The following WRAP73 variants were observed in gnomAD, a reference collection of about 807,000 sequenced individuals.
WRAP73 encodes the protein WD repeat containing, antisense to TP73.
Under a neutral mutation model 59.6 loss-of-function variants are expected in WRAP73, and 55 were observed. The observed-to-expected ratio is 0.92, with a 90% confidence interval of 0.74 to 1.15. The LOEUF is 1.15. WRAP73 is among the 50% of genes most tolerant of loss of function. WRAP73 has a pLI of 0.00. For missense variants in WRAP73, 592 were observed against 608.1 expected (o/e 0.97, Z 0.28); for synonymous variants, 265 against 258.2 (o/e 1.03, Z -0.25).
intron 1 of WRAP73, among the ~76,000 whole-genome samples, chr1:3,649,226 G>A (rs1259582215): frequency 1.3e-5 from 2 of 152,166 alleles, no homozygotes; most frequent in African/African-American, 4.8e-5. Flanking sequence ...TAAAGTTATA[G>A]CTCTGTGATT....
At chr1:3,633,725 G>C in intron 8 of WRAP73, 1 of 518,674 alleles carries the variant, frequency 1.9e-6, no homozygotes, top group South Asian at 2.7e-5. Flanking sequence ...CACCCTTTGA[G>C]ACACAGGCAG....
chr1:3,647,698 T>A (rs530536278), intron 1 of WRAP73, 138 bp from the exon 2 acceptor site: 520 of 881,554 alleles, frequency 5.9e-4, no homozygotes, highest in Non-Finnish European at 5.6e-4. Flanking sequence ...ACCAGTGACA[T>A]CCCCAGCCCC....
In WRAP73 at chr1:3,638,798, A is replaced by C. The variant is rs753087124; in HGVS notation, c.364T>G (p.Cys122Gly). Residue 122 changes from cysteine (C) to glycine (G), a missense_variant, in exon 4 of 12, where the codon TGC (cysteine) becomes GGC (glycine). Physicochemically the swap from Cys to Gly is radical, Grantham distance 159. Transcript: ENST00000270708. ...TTGATGTAAGACACGGATTTTGTGC[A>C]CAAGGACCAGACGGTTATCCGCAGC... ...FHLRITVWSL[C>G]TKSVSYIKYP... is the part of the protein sequence containing the mutation. The C allele has an allele frequency of 6.2e-7, 1 of 1,614,190 alleles. No homozygotes were observed. Among genetic ancestry groups the C allele is most frequent in the Admixed American group, 1.7e-5 (1 of 60,016 alleles).
At chr1:3,632,757 G>T in intron 9 of WRAP73, 1 of 276,466 alleles carries the variant, frequency 3.6e-6, no homozygotes, top group Non-Finnish European at 7.0e-6. Context: ...CATCATCACA[G>T]CAGAAGCAGG....
intron 3 of WRAP73, among the ~76,000 whole-genome samples, chr1:3,641,202 G>A (rs1644640942): frequency 6.6e-6 from 1 of 152,216 alleles, no homozygotes; most frequent in Admixed American, 6.5e-5. Context: ...AGAGCACTCA[G>A]GAGGGAAGGA....
chr1:3,637,179 G>A, intron 4 of WRAP73, 81 bp from the exon 5 acceptor site: 1 of 1,226,812 alleles, frequency 8.2e-7, no homozygotes, highest in Non-Finnish European at 1.2e-6. Context: ...TCACAAGGAA[G>A]GAGGAGGAAA....
Position 3,632,205 on chromosome 1 carries a change from C to T in WRAP73, c.1048+8G>A. ...GGGTGAGACAGCACCTGCGTCAGCA[C>T]AACTGACCGTTCCTTGTCGCCAGGA... On this transcript the variant is annotated splice_region_variant and intron_variant, in intron 10 of 11. Transcript: ENST00000270708. 1 of 1,611,138 alleles carries T rather than the reference C, an allele frequency of 6.2e-7. No individual in the cohort carries two copies. The highest frequency in any genetic ancestry group is 1.3e-5 in the African/African-American group (1 of 75,062).
At chr1:3,633,658 G>C in intron 8 of WRAP73, 155 bp from the exon 9 acceptor site, 1 of 614,116 alleles carries the variant, frequency 1.6e-6, no homozygotes, top group Non-Finnish European at 2.9e-6. Flanking sequence ...CACGAACCCC[G>C]CAGTCCCGAG....
At chr1:3,645,924 A>G (rs970337517) in intron 3 of WRAP73, among the ~76,000 whole-genome samples, 23 of 152,244 alleles carry the variant, frequency 1.5e-4, no homozygotes, top group African/African-American at 5.5e-4. Context: ...GAGCCGGCTC[A>G]TATCACAGCG....
chr1:3,647,667 CAG>C, intron 1 of WRAP73, 107 bp from the exon 2 acceptor site: 2 of 1,273,182 alleles, frequency 1.6e-6, no homozygotes, highest in Non-Finnish European at 2.2e-6. Context: ...TCTCTCCTGC[CAG>C]AGGTTTCATG....
chr1:3,636,490 G>T, intron 5 of WRAP73: 1 of 324,374 alleles, frequency 3.1e-6, no homozygotes, highest in Non-Finnish European at 6.0e-6. Context: ...TTTAGACCCA[G>T]CTCAGACAAG....
chr1:3,635,037 G>A lies in WRAP73; in HGVS notation c.776C>T (p.Thr259Met), dbSNP rs542182404. Residue 259 changes from threonine to methionine, a missense_variant, in exon 8 of 12, where the codon ACG (threonine) becomes ATG (methionine). By Grantham distance (81) the Thr-to-Met change is moderately conservative. Coordinates refer to ENST00000270708, the MANE Select transcript of WRAP73 (RefSeq NM_017818.4). ...AATGGCTGCAGGATGCCCAAACTCC[G>A]TGATCATTTTCCAAGTCACGTGATT... is the stretch of plus-strand genomic sequence containing the variant. Reference protein sequence around the residue: ...ILNHVTWKMITEFGHPAAIND... With the variant: ...ILNHVTWKMIMEFGHPAAIND... 11 of 1,614,196 alleles carry A rather than the reference G, an allele frequency of 6.8e-6. No homozygotes were observed. The highest frequency in any genetic ancestry group is 6.7e-5 in the East Asian group (3 of 44,884).
At chr1:3,645,648 T>G (rs550499055) in intron 3 of WRAP73, among the ~76,000 whole-genome samples, 10 of 152,356 alleles carry the variant, frequency 6.6e-5, no homozygotes, top group African/African-American at 2.4e-4. Flanking sequence ...AAGCACATTA[T>G]TAAAGGAATT....
Position 3,632,157 on chromosome 1 carries a change from C to G in WRAP73, c.1048+56G>C, listed in dbSNP as rs957238082. On this transcript the variant is annotated intron_variant, in intron 10 of 11. Coordinates refer to ENST00000270708, the MANE Select transcript of WRAP73 (RefSeq NM_017818.4). The stretch of plus-strand genomic sequence containing the variant: ...TTTTCTTTTCCAGTCGCTTCTACAC[C>G]TGGGGCCACAGGACACAGTAAAGGG... The G allele has an allele frequency of 2.6e-6, 4 of 1,555,702 alleles. No homozygotes were observed. The Admixed American group carries it at 7.8e-5, about 30-fold the overall frequency.
intron 1 of WRAP73, among the ~76,000 whole-genome samples, chr1:3,647,856 G>T (rs1644706158): frequency 1.3e-5 from 2 of 152,220 alleles, no homozygotes; most frequent in Non-Finnish European, 2.9e-5. Flanking sequence ...TTATCTGTAT[G>T]TTAAAAACTA....
Position 3,639,945 on chromosome 1 carries a change from G to A in WRAP73, c.340-1123C>T, listed in dbSNP as rs901991872. On this transcript the variant is annotated intron_variant, in intron 3 of 11. Coordinates refer to ENST00000270708, the MANE Select transcript of WRAP73 (RefSeq NM_017818.4). The surrounding 1 kb of genome is among the most constrained non-coding windows in gnomAD (Gnocchi z 4.3). ...GTGTGGGGCACAGCATGTCCACAGT[G>A]TCACTCCTGCAAACGCTGCCAGGTT... 1.3e-5 allele frequency among the ~76,000 whole-genome samples: 2 copies of A among 152,226 alleles called. No homozygotes were observed. The highest frequency in any genetic ancestry group is 4.8e-5 in the African/African-American group (2 of 41,460).
intron 9 of WRAP73, chr1:3,632,794 C>G (rs1644550920): frequency 4.0e-6 from 1 of 249,926 alleles, no homozygotes; most frequent in Non-Finnish European, 7.9e-6. Context: ...CGCCCCTGGG[C>G]TCCTGGGGAG....
At chr1:3,640,770 C>T (rs923809392) in intron 3 of WRAP73, among the ~76,000 whole-genome samples, 26 of 151,450 alleles carry the variant, frequency 1.7e-4, no homozygotes, top group African/African-American at 2.9e-4. Flanking sequence ...ATCAGCAGGG[C>T]GGGGTGCAGC....
Position 3,646,819 on chromosome 1 carries a change from C to T in WRAP73, c.223-37G>A. ...GAAGAAAGAAACACACAAGTGCAAACTCATCAGCACCGAGAGACAGCGAGG... is the reference window on the plus strand; with the variant it reads ...GAAGAAAGAAACACACAAGTGCAAATTCATCAGCACCGAGAGACAGCGAGG... On this transcript the variant is annotated intron_variant, in intron 2 of 11. Coordinates refer to ENST00000270708, the MANE Select transcript of WRAP73 (RefSeq NM_017818.4). This position sits in a 1 kb window ranked among gnomAD's most constrained non-coding sequence, Gnocchi z 5.1. The T allele has an allele frequency of 6.4e-7, 1 of 1,562,816 alleles. No homozygotes were observed. The highest frequency in any genetic ancestry group is 8.8e-7 in the Non-Finnish European group (1 of 1,140,154).
Sources: allele counts gnomAD v4.1 joint callset (sites outside exome capture counted in the v4.1 genomes callset), GRCh38; gene constraint gnomAD v4.1.1; non-coding constraint Gnocchi (gnomAD v3.1); transcripts MANE v1.5; gene names NCBI Gene and HGNC (gene_info 2026-07-23, HGNC 2026-07-21).